The following TTC17 variants were observed in gnomAD, a reference collection of about 807,000 sequenced individuals.
The protein encoded by TTC17 is tetratricopeptide repeat protein 17.
A neutral mutation model predicts 143.8 loss-of-function variants in TTC17; 58 were observed. The observed-to-expected ratio is 0.40, with a 90% CI of 0.33 to 0.50. The LOEUF (loss-of-function observed/expected upper bound fraction) is 0.50. TTC17 is among the 20% of genes least tolerant of loss of function. The probability of loss-of-function intolerance (pLI) is 0.49; values close to 1 mark genes in which losing one functional copy is unlikely to be tolerated. For missense variants in TTC17, 1,273 were observed against 1,392.5 expected (o/e 0.91, Z 1.37); for synonymous variants, 501 against 497.8 (o/e 1.01, Z -0.09).
chr11:43,370,982 T>G (rs1856545809), intron 1 of TTC17, among the ~76,000 whole-genome samples: 1 of 143,856 alleles, frequency 7.0e-6, no homozygotes, highest in African/African-American at 2.6e-5. Flanking sequence ...AAACTGTTTT[T>G]GTAGAGATGG....
At chr11:43,410,478 A>G (rs1169341090) in intron 15 of TTC17, among the ~76,000 whole-genome samples, 2 of 152,126 alleles carry the variant, frequency 1.3e-5, no homozygotes, top group Admixed American at 6.6e-5. Flanking sequence ...TGGATATTTT[A>G]TAGTTTTAGG....
At position 43,391,896 on chromosome 11, in the gene TTC17, C is replaced by T. The variant is rs190671748; in HGVS notation, c.607C>T (p.Arg203Trp). ...EDPIFTYLSK[R>W]LGRSIDDIGH... Reference sequence around the variant, plus strand: ...CCCAATCTTCACATATTTATCTAAACGGTTAGGAAGGAGTATAGATGACAT... The same window carrying T: ...CCCAATCTTCACATATTTATCTAAATGGTTAGGAAGGAGTATAGATGACAT... Residue 203 changes from arginine (R) to tryptophan (W), a missense_variant, in exon 5 of 24, where the codon CGG (arginine) becomes TGG (tryptophan). Arg to Trp is a moderately radical substitution (Grantham distance 101, BLOSUM62 -3). Around this residue, in one of 3 missense-constraint regions of TTC17, gnomAD observed 325 missense variants for 444.2 expected, o/e 0.73. Transcript: ENST00000039989. 41 of 1,613,690 alleles carry T rather than the reference C, an allele frequency of 2.5e-5. No individual in the cohort carries two copies. Among genetic ancestry groups the T allele is most frequent in the East Asian group, 2.0e-4 (9 of 44,862 alleles).
At chr11:43,386,924 C>G (rs1205788941) in intron 2 of TTC17, among the ~76,000 whole-genome samples, 1 of 152,056 alleles carries the variant, frequency 6.6e-6, no homozygotes, top group Non-Finnish European at 1.5e-5. Context: ...GTAGCTAGGA[C>G]TACAGGCAAG....
At chr11:43,410,067 G>A (rs1472448571) in intron 15 of TTC17, among the ~76,000 whole-genome samples, 2 of 151,938 alleles carry the variant, frequency 1.3e-5, no homozygotes, top group Non-Finnish European at 2.9e-5. Flanking sequence ...TGGCCAGGCT[G>A]GTCTCAAACT....
At chr11:43,368,471 A>G (rs994213477) in intron 1 of TTC17, among the ~76,000 whole-genome samples, 1 of 152,138 alleles carries the variant, frequency 6.6e-6, no homozygotes, top group African/African-American at 2.4e-5. Flanking sequence ...ACTCTTTCTC[A>G]TATCTCAAAC....
rs969067429 is a variant in TTC17, at chr11:43,447,998, C to T, written c.2666-4C>T. 1.2e-5 allele frequency: 20 copies of T among 1,613,418 alleles called. No individual in the cohort carries two copies. Among genetic ancestry groups the T allele is most frequent in the Non-Finnish European group, 1.4e-5 (17 of 1,179,708 alleles). ...TGTGGATTCATGGCATACTTTCCTTCCAGGAAAAAAACGTGACTACCAGCG... is the reference window on the plus strand; with the variant it reads ...TGTGGATTCATGGCATACTTTCCTTTCAGGAAAAAAACGTGACTACCAGCG... On this transcript the variant is annotated splice_region_variant and splice_polypyrimidine_tract_variant and intron_variant, in intron 18 of 23. Coordinates refer to ENST00000039989, the MANE Select transcript of TTC17 (RefSeq NM_018259.6).
At chr11:43,474,757 G>T (rs887259002) in intron 21 of TTC17, among the ~76,000 whole-genome samples, 5 of 152,084 alleles carry the variant, frequency 3.3e-5, no homozygotes, top group African/African-American at 1.2e-4. Flanking sequence ...ACTATTGACT[G>T]GCAGCCTTAT....
rs1946688360 is a variant in TTC17 at position 43,413,000 on chromosome 11, A to G, written c.2065-1590A>G. 2.0e-5 allele frequency among the ~76,000 whole-genome samples: 3 copies of G among 148,128 alleles called. No homozygotes were observed. In the South Asian group the frequency reaches 6.3e-4, roughly 31 times the overall value. ...AGAATAGACACACACACACACACAC[A>G]CACACACACACACACACACACACAC... On this transcript the variant is annotated intron_variant, in intron 15 of 23. Transcript: ENST00000039989.
At chr11:43,451,426 T>C (rs566094596) in intron 21 of TTC17, among the ~76,000 whole-genome samples, 161 bp downstream of exon 21, 1 of 152,354 alleles carries the variant, frequency 6.6e-6, no homozygotes, top group South Asian at 2.1e-4. Context: ...TTTCAGTCGC[T>C]TTTTCTATCA....
chr11:43,417,410 A>T (rs1287330464), intron 16 of TTC17, among the ~76,000 whole-genome samples: 1 of 152,202 alleles, frequency 6.6e-6, no homozygotes, highest in African/African-American at 2.4e-5. Flanking sequence ...TTTATAAGTT[A>T]TCTTGTCTGA....
intron 16 of TTC17, among the ~76,000 whole-genome samples, chr11:43,416,975 C>T (rs1386434871): frequency 1.3e-5 from 2 of 152,076 alleles, no homozygotes; most frequent in African/African-American, 4.8e-5. Flanking sequence ...AGAAAATAAT[C>T]CAACATTTGC....
rs746666443 is a variant in TTC17, at chr11:43,358,930, T to C, written c.-25T>C. 39 of 1,553,136 alleles carry C rather than the reference T, an allele frequency of 2.5e-5. No individual in the cohort carries two copies. The Admixed American group carries it at 3.0e-4, about 12-fold the overall frequency. On this transcript the variant is annotated 5_prime_UTR_variant, in exon 1 of 24. Transcript: ENST00000039989. ...CGGAGACTAGCTTCCGCTTCCGGTG[T>C]GAGCGGCCCGGCCGGGGGGGCAAGA...
At chr11:43,480,887 C>CA (rs58806758) in intron 21 of TTC17, among the ~76,000 whole-genome samples, 7,986 of 98,878 alleles carry the variant, frequency 0.081, 243 homozygotes, top group African/African-American at 0.13. Context: ...CAAGAAAATG[C>CA]AAAAAAAAAA....
chr11:43,406,446 TATTA>T (rs886836186), intron 13 of TTC17, among the ~76,000 whole-genome samples: 3 of 152,170 alleles, frequency 2.0e-5, no homozygotes, highest in African/African-American at 4.8e-5. Flanking sequence ...CCTAAATTCC[TATTA>T]ATTATATATA....
Position 43,491,745 on chromosome 11 carries a change from A to G in TTC17, c.3151-275A>G, listed in dbSNP as rs935080342. On this transcript the variant is annotated intron_variant, in intron 22 of 23. Coordinates refer to ENST00000039989, the MANE Select transcript of TTC17 (RefSeq NM_018259.6). ...CAAGGAGCTTCACCAGAAGAAACCA[A>G]CTACATTATTCAGCAGATTGTTTAC... The G allele has an allele frequency of 9.3e-5, 37 of 399,656 alleles. No homozygotes were observed. The Middle Eastern group carries it at 4.8e-3, about 52-fold the overall frequency. 24.8% of individuals were successfully genotyped at this position (399,656 alleles called of 1,614,324 possible). A position where few individuals can be genotyped will look rare whatever the true frequency, so the allele number is the denominator to read the frequency against.
At chr11:43,486,337 G>T in intron 21 of TTC17, 1 of 411,618 alleles carries the variant, frequency 2.4e-6, no homozygotes. Context: ...GTGAATCATC[G>T]TGTAGAAGCT....
At chr11:43,441,388 A>G (rs983915338) in intron 16 of TTC17, among the ~76,000 whole-genome samples, 5 of 152,176 alleles carry the variant, frequency 3.3e-5, no homozygotes, top group African/African-American at 9.6e-5. Flanking sequence ...TTGTGATTAC[A>G]TGCAAATATT....
intron 22 of TTC17, 124 bp downstream of exon 22, chr11:43,490,482 A>T: frequency 2.2e-6 from 3 of 1,388,490 alleles, no homozygotes; most frequent in Non-Finnish European, 2.8e-6. Flanking sequence ...CAAGGAGAGA[A>T]TGGGGCAGGA....
intron 16 of TTC17, among the ~76,000 whole-genome samples, chr11:43,442,026 G>A (rs914650030): frequency 4.6e-5 from 7 of 152,086 alleles, no homozygotes; most frequent in African/African-American, 1.7e-4. Context: ...CTTACACAAA[G>A]CTAGGTGGTA....
Sources: allele counts gnomAD v4.1 joint callset (sites outside exome capture counted in the v4.1 genomes callset), GRCh38; gene constraint gnomAD v4.1.1; regional missense constraint gnomAD v4.1.1; transcripts MANE v1.5; gene names NCBI Gene and HGNC (gene_info 2026-07-23, HGNC 2026-07-21).